The following STAB2 variants were observed in gnomAD, a reference collection of about 807,000 sequenced individuals.
The protein encoded by STAB2 is stabilin 2, also known as stabilin-2.
A neutral mutation model predicts 338.1 loss-of-function variants in STAB2; 288 were observed. The observed-to-expected ratio is 0.85, with a 90% CI of 0.77 to 0.94. The LOEUF (loss-of-function observed/expected upper bound fraction) is 0.94. STAB2 is among the 40% of genes least tolerant of loss of function. STAB2 has a pLI of 0.00. For missense variants in STAB2, 3,141 were observed against 3,210.1 expected, an observed-to-expected ratio of 0.98 and a Z score of 0.52; for synonymous variants, 1,202 against 1,193.3, an observed-to-expected ratio of 1.01 and a Z score of -0.15.
chr12:103,701,387 T>C (rs1878858474), intron 34 of STAB2, among the ~76,000 whole-genome samples: 1 of 152,136 alleles, frequency 6.6e-6, no homozygotes, highest in East Asian at 1.9e-4. Flanking sequence ...GATGGCTGGG[T>C]CAAATGGTAT....
chr12:103,591,133 C>G, intron 2 of STAB2, 103 bp downstream of exon 2: 1 of 1,484,946 alleles, frequency 6.7e-7, no homozygotes. Context: ...TGCTCTAAGA[C>G]AATAAGCCCA....
intron 26 of STAB2, among the ~76,000 whole-genome samples, chr12:103,684,379 C>T (rs11609139): frequency 0.077 from 11,777 of 152,068 alleles, 631 homozygotes; most frequent in East Asian, 0.22. Flanking sequence ...CAGGGTGGGG[C>T]GTGGGGGACT....
At chr12:103,715,990 A>T in intron 43 of STAB2, 102 bp downstream of exon 43, 1 of 1,206,188 alleles carries the variant, frequency 8.3e-7, no homozygotes, top group South Asian at 1.4e-5. Context: ...ACCTCTAAAG[A>T]GCTGCAGCTG....
In STAB2 at chr12:103,751,035, A is replaced by G. The variant is rs548445365; in HGVS notation, c.6580+315A>G. ...ACATAGAAGTGCAGAGGCATGGGCA[A>G]TAGGACATCTTGAAACCCAACGGAG... is the stretch of plus-strand genomic sequence containing the variant. On this transcript the variant is annotated intron_variant, in intron 60 of 68. Coordinates refer to ENST00000388887, the MANE Select transcript of STAB2 (RefSeq NM_017564.10). Among the ~76,000 whole-genome samples, 7 of 152,332 alleles carry G rather than the reference A, an allele frequency of 4.6e-5. No homozygotes were observed. In the South Asian group the frequency reaches 1.4e-3, roughly 32 times the overall value.
In STAB2 at chr12:103,632,526, C is replaced by T. The variant is rs115994088; in HGVS notation, c.583+833C>T. Among the ~76,000 whole-genome samples, 574 of 152,196 alleles carry T rather than the reference C, an allele frequency of 3.8e-3. 5 individuals are homozygous for T. Among genetic ancestry groups the T allele is most frequent in the African/African-American group, 0.013 (548 of 41,510 alleles). On this transcript the variant is annotated intron_variant, in intron 6 of 68. Coordinates refer to ENST00000388887, the MANE Select transcript of STAB2 (RefSeq NM_017564.10). ...GGGGAGCTGAGGCTGGTGGGTGAGG[C>T]ACAGGAAATCAGGGGCCTCTCAGGC...
At chr12:103,627,590 C>T (rs1957400098) in intron 5 of STAB2, among the ~76,000 whole-genome samples, 1 of 152,222 alleles carries the variant, frequency 6.6e-6, no homozygotes, top group Non-Finnish European at 1.5e-5. Context: ...AGGGCATGTT[C>T]CTGGCAGCAG....
At position 103,631,761 on chromosome 12, in the gene STAB2, T is replaced by G. The variant is rs118190482; in HGVS notation, c.583+68T>G. 9.3e-3 allele frequency: 13,921 copies of G among 1,492,518 alleles called. 81 individuals carry two copies. Among genetic ancestry groups the G allele is most frequent in the Non-Finnish European group, 0.011 (12,016 of 1,071,862 alleles). 92.5% of individuals were successfully genotyped at this position (1,492,518 alleles called of 1,614,324 possible). ...GGCACAAATGTATGCATTTCAATTTTGTATCTGTTACTGGTTCTCTGCAGG... is the reference window on the plus strand; with the variant it reads ...GGCACAAATGTATGCATTTCAATTTGGTATCTGTTACTGGTTCTCTGCAGG... On this transcript the variant is annotated intron_variant, in intron 6 of 68. Transcript: ENST00000388887.
chr12:103,613,126 T>G (rs1344710327), intron 3 of STAB2, among the ~76,000 whole-genome samples: 1 of 152,170 alleles, frequency 6.6e-6, no homozygotes, highest in Non-Finnish European at 1.5e-5. Flanking sequence ...TTAGGCTACT[T>G]GGGGGTCAGG....
chr12:103,687,005 T>A (rs543603398), intron 27 of STAB2, among the ~76,000 whole-genome samples: 32 of 152,308 alleles, frequency 2.1e-4, no homozygotes, highest in Middle Eastern at 3.4e-3. Flanking sequence ...GCTAACTTAC[T>A]TTTTTAACAT....
At chr12:103,737,889 G>C in intron 53 of STAB2, 109 bp downstream of exon 53, 5 of 1,428,012 alleles carry the variant, frequency 3.5e-6, no homozygotes, top group Non-Finnish European at 4.7e-6. Flanking sequence ...TCCTCAGCAA[G>C]ACTAGGACCC....
chr12:103,742,486 G>A lies in STAB2; in HGVS notation c.5963G>A (p.Cys1988Tyr). The change falls in exon 56 of 69, where the codon TGC (cysteine) becomes TAC (tyrosine). Residue 1988 changes from cysteine (C) to tyrosine (Y), a missense_variant. By Grantham distance (194) the Cys-to-Tyr change is radical. Transcript: ENST00000388887. Reference sequence around the variant, plus strand: ...TACTCGGCCACCGGAGAGTGTAAATGCAACACCGGCTTCAATGGGACGGCG... The same window carrying A: ...TACTCGGCCACCGGAGAGTGTAAATACAACACCGGCTTCAATGGGACGGCG... ...DQYSATGECK[C>Y]NTGFNGTACE... 6.2e-7 allele frequency: 1 copy of A among 1,614,136 alleles called. No homozygotes were observed. The highest frequency in any genetic ancestry group is 8.5e-7 in the Non-Finnish European group (1 of 1,180,016).
intron 30 of STAB2, among the ~76,000 whole-genome samples, chr12:103,691,113 C>T (rs1001700870): frequency 2.6e-5 from 4 of 152,212 alleles, no homozygotes; most frequent in Non-Finnish European, 5.9e-5. Flanking sequence ...TCATCTGGCA[C>T]TTTCTACAGT....
rs751680925 is a variant in STAB2, at chr12:103,703,169, A to G, written c.3736A>G (p.Ile1246Val). The change falls in exon 35 of 69, where the codon ATA becomes GTA. Residue 1246 changes from isoleucine to valine, a missense_variant. Ile to Val is a conservative substitution (Grantham distance 29). Transcript: ENST00000388887. Reference protein sequence around the residue: ...NDQLYVNEAPINYTNVATDKG... With the variant: ...NDQLYVNEAPVNYTNVATDKG... ...ACAGCTCTATGTAAATGAGGCTCCA[A>G]TAAACTACACCAATGTAGCCACTGA... The G allele has an allele frequency of 1.9e-6, 3 of 1,613,876 alleles. No homozygotes were observed. Among genetic ancestry groups the G allele is most frequent in the Non-Finnish European group, 2.5e-6 (3 of 1,179,998 alleles).
At chr12:103,591,455 A>G (rs961812638) in intron 2 of STAB2, among the ~76,000 whole-genome samples, 1 of 152,250 alleles carries the variant, frequency 6.6e-6, no homozygotes, top group African/African-American at 2.4e-5. Flanking sequence ...ACTGCACTCC[A>G]GCCTGGGTGA....
intron 3 of STAB2, among the ~76,000 whole-genome samples, chr12:103,618,049 A>T (rs1051680249): frequency 1.3e-5 from 2 of 152,226 alleles, no homozygotes; most frequent in Non-Finnish European, 2.9e-5. Context: ...TAGTAACTTA[A>T]TGGAGCCCCC....
intron 54 of STAB2, 48 bp from the exon 55 acceptor site, chr12:103,740,582 T>C: frequency 1.9e-6 from 3 of 1,594,104 alleles, no homozygotes; most frequent in Non-Finnish European, 8.5e-7. Flanking sequence ...CCCAGAGCCC[T>C]AGTCCCTGCA....
intron 52 of STAB2, among the ~76,000 whole-genome samples, chr12:103,736,060 G>A (rs1882096988): frequency 1.3e-5 from 2 of 152,170 alleles, no homozygotes; most frequent in African/African-American, 4.8e-5. Flanking sequence ...GAACAATTCT[G>A]TCTTCCTGTA....
intron 3 of STAB2, among the ~76,000 whole-genome samples, chr12:103,616,580 G>A (rs1957214088): frequency 6.6e-6 from 1 of 152,224 alleles, no homozygotes; most frequent in Admixed American, 6.5e-5. Flanking sequence ...CTGCAAGGTG[G>A]CACTGATTGC....
At chr12:103,712,860 A>C (rs1879993075) in intron 41 of STAB2, among the ~76,000 whole-genome samples, 1 of 152,198 alleles carries the variant, frequency 6.6e-6, no homozygotes, top group Admixed American at 6.5e-5. Flanking sequence ...GCAGACTAAA[A>C]AAGAATTTGA....
Sources: gnomAD v4.1 joint callset for allele counts (sites outside exome capture counted in the v4.1 genomes callset) on GRCh38, gnomAD v4.1.1 for gene constraint, MANE v1.5 for transcripts, NCBI Gene and HGNC (gene_info 2026-07-23, HGNC 2026-07-21) for gene names.